DLG2: variants seen among roughly 807,000 people sequenced by gnomAD.
DLG2 encodes the protein discs large MAGUK scaffold protein 2.
A neutral mutation model predicts 132.5 loss-of-function variants in DLG2; 45 were observed. That is an observed-to-expected ratio of 0.34 (90% CI 0.27 to 0.44). DLG2 has a LOEUF of 0.44. DLG2 is among the 20% of genes least tolerant of loss of function. The pLI, the probability that DLG2 is intolerant of heterozygous loss-of-function variation, is 1.00. For synonymous variants in DLG2, 424 were observed against 419.6 expected (o/e 1.01, Z -0.13); for missense variants, 1,045 against 1,196.9 (o/e 0.87, Z 1.87).
intron 18 of DLG2, among the ~76,000 whole-genome samples, chr11:83,748,379 C>A (rs12287368): frequency 9.9e-4 from 151 of 152,262 alleles, no homozygotes; most frequent in African/African-American, 3.4e-3. Flanking sequence ...TTCAGAGACA[C>A]CTCATGTTCA....
chr11:83,583,537 A>C (rs2097021315), intron 19 of DLG2, among the ~76,000 whole-genome samples: 1 of 152,192 alleles, frequency 6.6e-6, no homozygotes, highest in African/African-American at 2.4e-5. Flanking sequence ...TTTATCCATA[A>C]TATGGAAGAT....
chr11:84,017,840 C>G (rs2095260678), intron 11 of DLG2, among the ~76,000 whole-genome samples: 1 of 152,002 alleles, frequency 6.6e-6, no homozygotes, highest in African/African-American at 2.4e-5. Flanking sequence ...AGCACTTTAA[C>G]TTTCCATATT....
rs1461208888 is a variant in DLG2, at chr11:84,352,258, C to T, written c.520-100967G>A. Among the ~76,000 whole-genome samples the T allele has an allele frequency of 3.9e-5, 6 of 152,226 alleles. No individual in the cohort carries two copies. The South Asian group carries it at 1.0e-3, about 26-fold the overall frequency. ...ACCTTGATTTCCATTATAGCTCTAC[C>T]ACATTCTGGCTCATGAACCTTGGGA... is the stretch of plus-strand genomic sequence containing the variant. On this transcript the variant is annotated intron_variant, in intron 7 of 27. Transcript: ENST00000376104.
At chr11:85,485,911 G>A (rs1042213822) in intron 3 of DLG2, among the ~76,000 whole-genome samples, 3 of 152,168 alleles carry the variant, frequency 2.0e-5, no homozygotes, top group Admixed American at 2.0e-4. Flanking sequence ...AGCCAGTGCA[G>A]CTGCCACCAC....
At chr11:85,311,588 G>A (rs1323441905) in intron 3 of DLG2, among the ~76,000 whole-genome samples, 1 of 152,098 alleles carries the variant, frequency 6.6e-6, no homozygotes, top group Non-Finnish European at 1.5e-5. Context: ...TACCCATGCT[G>A]AGGTAAATTG....
At chr11:85,551,328 G>A (rs146836080) in intron 3 of DLG2, among the ~76,000 whole-genome samples, 5 of 151,858 alleles carry the variant, frequency 3.3e-5, no homozygotes, top group South Asian at 4.2e-4. Flanking sequence ...AATAAACATC[G>A]AGAAAAAAAA....
At chr11:85,184,412 C>G (rs772569397) in intron 4 of DLG2, among the ~76,000 whole-genome samples, 1 of 149,376 alleles carries the variant, frequency 6.7e-6, no homozygotes, top group Non-Finnish European at 1.5e-5. Flanking sequence ...AGGTTTCATT[C>G]GTTGCAATAA....
At chr11:84,087,402 A>G (rs993439368) in intron 10 of DLG2, among the ~76,000 whole-genome samples, 1 of 152,190 alleles carries the variant, frequency 6.6e-6, no homozygotes, top group Non-Finnish European at 1.5e-5. Context: ...ACCAATGAAT[A>G]ATGATGCTGG....
At position 83,705,890 on chromosome 11, in the gene DLG2, G is replaced by A. The variant is rs185195892; in HGVS notation, c.1826-72565C>T. 1.3e-3 allele frequency among the ~76,000 whole-genome samples: 191 copies of A among 152,246 alleles called. 1 individual carries two copies. The South Asian group carries it at 0.023, about 18-fold the overall frequency. On this transcript the variant is annotated intron_variant, in intron 18 of 27. Transcript: ENST00000376104. ...AAGACAATAGATTTGCAGTCATCGC[G>A]CACACCAACAAAAGTTTCAACTTCA... is the stretch of plus-strand genomic sequence containing the variant.
intron 17 of DLG2, among the ~76,000 whole-genome samples, chr11:83,827,882 T>C (rs1445066801): frequency 6.6e-6 from 1 of 152,180 alleles, no homozygotes; most frequent in Admixed American, 6.5e-5. Context: ...ACATCAAGAA[T>C]ATGGTTCAAT....
intron 9 of DLG2, among the ~76,000 whole-genome samples, chr11:84,106,066 C>T (rs1375816943): frequency 2.0e-5 from 3 of 151,776 alleles, no homozygotes; most frequent in Admixed American, 6.6e-5. Context: ...AATAGGACAG[C>T]GAACAATATA....
Position 83,833,644 on chromosome 11 carries a change from C to G in DLG2, c.1692G>C (p.Gly564=). The G allele has an allele frequency of 6.2e-7, 1 of 1,613,924 alleles. No individual in the cohort carries two copies. Residue 564 remains glycine, a synonymous_variant, in exon 17 of 28, where the codon GGG becomes GGC. Coordinates refer to ENST00000376104, the MANE Select transcript of DLG2 (RefSeq NM_001142699.3). ...ILAGGPADLS[G]ELQRGDQILS... is the part of the protein sequence containing the mutation. The stretch of plus-strand genomic sequence containing the variant: ...GGATCTGGTCTCCTCTCTGGAGCTC[C>G]CCACTTAGGTCTGCTGGTCCACCAG...
At chr11:84,380,678 A>G (rs1215093535) in intron 7 of DLG2, among the ~76,000 whole-genome samples, 1 of 151,994 alleles carries the variant, frequency 6.6e-6, no homozygotes, top group East Asian at 1.9e-4. Flanking sequence ...GTTAGGGGGA[A>G]AAAAATAAAA....
rs563845082 is a variant in DLG2, at chr11:84,712,269, T to A, written c.358-177538A>T. Among the ~76,000 whole-genome samples the A allele has an allele frequency of 3.2e-3, 480 of 152,126 alleles. 2 individuals are homozygous for A. Among genetic ancestry groups the A allele is most frequent in the African/African-American group, 0.011 (438 of 41,532 alleles). ...GTGGCATAAAAGTTAACCCTCCTTA[T>A]TTTTTTATATTCAACGTTTTTCTCT... On this transcript the variant is annotated intron_variant, in intron 6 of 27. Coordinates refer to ENST00000376104, the MANE Select transcript of DLG2 (RefSeq NM_001142699.3).
At chr11:85,015,017 T>C (rs760631729) in intron 6 of DLG2, among the ~76,000 whole-genome samples, 2 of 152,260 alleles carry the variant, frequency 1.3e-5, no homozygotes, top group Non-Finnish European at 2.9e-5. Context: ...TTTATACCTG[T>C]ACTTGTATTT....
chr11:83,587,216 G>T (rs534236867), intron 19 of DLG2, among the ~76,000 whole-genome samples: 1 of 151,022 alleles, frequency 6.6e-6, no homozygotes, highest in Admixed American at 6.6e-5. Flanking sequence ...TTAATGTTTG[G>T]CTATAAGCAG....
At chr11:84,758,870 ATTCT>A (rs912019890) in intron 6 of DLG2, among the ~76,000 whole-genome samples, 3 of 152,056 alleles carry the variant, frequency 2.0e-5, no homozygotes, top group Admixed American at 6.6e-5. Flanking sequence ...TAATTTATTA[ATTCT>A]TTCTGTTTAT....
chr11:83,927,361 GAA>G, intron 15 of DLG2, among the ~76,000 whole-genome samples: 1 of 152,182 alleles, frequency 6.6e-6, no homozygotes, highest in Admixed American at 6.5e-5. Flanking sequence ...AAAATAGAAA[GAA>G]AATATATAAT....
intron 9 of DLG2, among the ~76,000 whole-genome samples, chr11:84,127,533 G>C (rs947007270): frequency 2.0e-5 from 3 of 152,096 alleles, no homozygotes; most frequent in African/African-American, 7.2e-5. Flanking sequence ...CCTAACTTCT[G>C]GTGATTTGTC....
Sources: gnomAD v4.1 joint callset for allele counts (sites outside exome capture counted in the v4.1 genomes callset) on GRCh38, gnomAD v4.1.1 for gene constraint, MANE v1.5 for transcripts, NCBI Gene and HGNC (gene_info 2026-07-23, HGNC 2026-07-21) for gene names.